TRIM2: variants seen among roughly 807,000 people sequenced by gnomAD.
The protein encoded by TRIM2 is tripartite motif containing 2, also known as tripartite motif-containing protein 2.
Under a neutral mutation model 75.2 loss-of-function variants are expected in TRIM2, and 20 were observed. That is an observed-to-expected ratio of 0.27 (90% CI 0.19 to 0.39). The LOEUF (loss-of-function observed/expected upper bound fraction) is 0.39. TRIM2 is among the 10% of genes least tolerant of loss of function. The probability of loss-of-function intolerance (pLI) is 1.00; values close to 1 mark genes in which losing one functional copy is unlikely to be tolerated. For synonymous variants in TRIM2, 373 were observed against 388.3 expected, an observed-to-expected ratio of 0.96 and a Z score of 0.46; for missense variants, 660 against 990.8, an observed-to-expected ratio of 0.67 and a Z score of 4.48.
In TRIM2 at chr4:153,335,454, T is replaced by C. The variant is rs1242614272; in HGVS notation, c.*488T>C. The C allele has an allele frequency of 1.0e-6, 1 of 985,394 alleles. No individual in the cohort carries two copies. Among genetic ancestry groups the C allele is most frequent in the Non-Finnish European group, 1.2e-6 (1 of 829,980 alleles). The allele number at this position is 985,394 out of a possible 1,614,324, so 61.0% of individuals were successfully genotyped here. A position where few individuals can be genotyped will look rare whatever the true frequency, so the allele number is the denominator to read the frequency against. On this transcript the variant is annotated 3_prime_UTR_variant, in exon 12 of 12. Coordinates refer to ENST00000338700, the MANE Select transcript of TRIM2 (RefSeq NM_015271.5). ...GTAGGTATTACTCTTGTGACATTTT[T>C]TTGGTTATCAACAACTAAATATAAA...
intron 2 of TRIM2, among the ~76,000 whole-genome samples, chr4:153,273,319 G>A (rs375143381): frequency 5.5e-5 from 7 of 126,186 alleles, no homozygotes; most frequent in African/African-American, 9.7e-5. Flanking sequence ...TCTGCCGCCC[G>A]GGCTGGAGTG....
chr4:153,291,074 A>G (rs1761760402), intron 3 of TRIM2, among the ~76,000 whole-genome samples: 2 of 152,198 alleles, frequency 1.3e-5, no homozygotes, highest in South Asian at 2.1e-4. Flanking sequence ...TGACAAAAAA[A>G]AAGTGTCTTT....
intron 1 of TRIM2, among the ~76,000 whole-genome samples, chr4:153,155,816 A>G (rs1040958165): frequency 2.6e-5 from 4 of 152,166 alleles, no homozygotes; most frequent in Non-Finnish European, 5.9e-5. Flanking sequence ...ATGTTCTAGG[A>G]GCTCCCTAGG....
chr4:153,321,851 T>G (rs1447330138), intron 8 of TRIM2, among the ~76,000 whole-genome samples: 1 of 152,206 alleles, frequency 6.6e-6, no homozygotes, highest in Admixed American at 6.5e-5. Context: ...TTATTTTACT[T>G]AATACATCTT....
At chr4:153,332,974 G>C (rs1021407365) in intron 11 of TRIM2, among the ~76,000 whole-genome samples, 1 of 152,172 alleles carries the variant, frequency 6.6e-6, no homozygotes, top group Non-Finnish European at 1.5e-5. Flanking sequence ...CTGGCTGTCT[G>C]TCCCAGAGAA....
At chr4:153,260,675 C>T (rs539730108) in intron 1 of TRIM2, among the ~76,000 whole-genome samples, 1 of 105,556 alleles carries the variant, frequency 9.5e-6, no homozygotes, top group African/African-American at 3.3e-5. Context: ...AACACACACA[C>T]CCACCCACAC....
At chr4:153,271,167 G>A (rs1006050657) in intron 2 of TRIM2, among the ~76,000 whole-genome samples, 4 of 152,096 alleles carry the variant, frequency 2.6e-5, no homozygotes, top group Non-Finnish European at 5.9e-5. Flanking sequence ...AACTTACCAT[G>A]TAAGCAATTA....
intron 1 of TRIM2, among the ~76,000 whole-genome samples, chr4:153,229,071 A>C (rs1742923880): frequency 6.6e-6 from 1 of 152,156 alleles, no homozygotes. Context: ...TTTTCTTGTG[A>C]CATTTACTCT....
intron 1 of TRIM2, among the ~76,000 whole-genome samples, chr4:153,242,671 G>C (rs754099372): frequency 2.6e-5 from 4 of 152,200 alleles, no homozygotes; most frequent in African/African-American, 4.8e-5. Flanking sequence ...AGGCTCGACA[G>C]AACTACTGAA....
At position 153,338,702 on chromosome 4, in the gene TRIM2, G is replaced by A. The variant is rs1772741154; in HGVS notation, c.*3736G>A. 2 of 985,780 alleles carry A rather than the reference G, an allele frequency of 2.0e-6. No individual in the cohort carries two copies. Among genetic ancestry groups the A allele is most frequent in the African/African-American group, 3.5e-5 (2 of 57,356 alleles). 61.1% of individuals were successfully genotyped at this position (985,780 alleles called of 1,614,324 possible). A position where few individuals can be genotyped will look rare whatever the true frequency, so the allele number is the denominator to read the frequency against. ...CTTTCTAAAGATGAATTGTGTGGCA[G>A]TGATTGGTCTGTTTGTGGAGAATGT... On this transcript the variant is annotated 3_prime_UTR_variant, in exon 12 of 12. Transcript: ENST00000338700.
At chr4:153,190,795 T>A (rs977131308) in intron 1 of TRIM2, among the ~76,000 whole-genome samples, 2 of 152,186 alleles carry the variant, frequency 1.3e-5, no homozygotes, top group African/African-American at 2.4e-5. Context: ...TAGAATGCAG[T>A]GGCACGATTT....
At chr4:153,213,305 C>T (rs1247209772) in intron 1 of TRIM2, among the ~76,000 whole-genome samples, 1 of 152,186 alleles carries the variant, frequency 6.6e-6, no homozygotes, top group Non-Finnish European at 1.5e-5. Context: ...TATTCTTTTG[C>T]ATGAATGTGC....
At chr4:153,262,535 A>AT (rs1753832571) in intron 1 of TRIM2, among the ~76,000 whole-genome samples, 3 of 152,188 alleles carry the variant, frequency 2.0e-5, no homozygotes. Flanking sequence ...TTTTTATTGT[A>AT]TTTATTTATT....
At chr4:153,253,450 C>G (rs1278367441) in intron 1 of TRIM2, among the ~76,000 whole-genome samples, 2 of 152,126 alleles carry the variant, frequency 1.3e-5, no homozygotes, top group Non-Finnish European at 2.9e-5. Flanking sequence ...ACCCTACTAC[C>G]CCATGGGAGG....
At chr4:153,246,714 G>T (rs1006185224) in intron 1 of TRIM2, among the ~76,000 whole-genome samples, 3 of 152,212 alleles carry the variant, frequency 2.0e-5, no homozygotes, top group Non-Finnish European at 4.4e-5. Flanking sequence ...TCAAGGAAGA[G>T]TCAGGGTGCC....
At chr4:153,208,492 G>A (rs949655757) in intron 1 of TRIM2, among the ~76,000 whole-genome samples, 1 of 151,724 alleles carries the variant, frequency 6.6e-6, no homozygotes, top group Non-Finnish European at 1.5e-5. Context: ...TGTAAAATTT[G>A]TCACTATCTA....
chr4:153,282,364 G>T (rs556773614), intron 3 of TRIM2, among the ~76,000 whole-genome samples: 1 of 152,132 alleles, frequency 6.6e-6, no homozygotes, highest in African/African-American at 2.4e-5. Context: ...AATAAGCCAG[G>T]TCTGCTGCTG....
intron 1 of TRIM2, among the ~76,000 whole-genome samples, chr4:153,260,698 C>CACACA (rs1560902891): frequency 1.3e-5 from 1 of 75,620 alleles, no homozygotes; most frequent in Admixed American, 1.3e-4. Flanking sequence ...CCACCCCCCC[C>CACACA]CCCACACACA....
chr4:153,279,679 A>G (rs1215582309), intron 3 of TRIM2, among the ~76,000 whole-genome samples: 3 of 152,210 alleles, frequency 2.0e-5, no homozygotes, highest in Non-Finnish European at 4.4e-5. Flanking sequence ...ACAGTGGCTC[A>G]TACCTATAAT....
Sources: allele counts gnomAD v4.1 joint callset (sites outside exome capture counted in the v4.1 genomes callset), GRCh38; gene constraint gnomAD v4.1.1; transcripts MANE v1.5; gene names NCBI Gene and HGNC (gene_info 2026-07-23, HGNC 2026-07-21).